PHETA1: variants seen among roughly 807,000 people sequenced by gnomAD.
PHETA1 encodes sesquipedalian-1.
For missense variants in PHETA1, 348 were observed against 373.5 expected (o/e 0.93, Z 0.56); for synonymous variants, 155 against 168.9 (o/e 0.92, Z 0.64).
chr12:111,361,574 A>G lies in PHETA1; in HGVS notation c.*1104T>C, dbSNP rs1266977752. 1 of 265,180 alleles carries G rather than the reference A, an allele frequency of 3.8e-6. No individual in the cohort carries two copies. The highest frequency in any genetic ancestry group is 7.6e-6 in the Non-Finnish European group (1 of 132,224). The allele number at this position is 265,180 out of a possible 1,614,324, so 16.4% of individuals were successfully genotyped here. On this transcript the variant is annotated 3_prime_UTR_variant, in exon 3 of 3. Transcript: ENST00000683047. ...AAAAATGGGCACTGTGGTGAGAAGA[A>G]AGGGGACCGGCGGTCAGCCCCGAAG...
rs972420007 is a variant in PHETA1 at position 111,368,270 on chromosome 12, C to T, written c.-182+642G>A. Among the ~76,000 whole-genome samples, 1 of 152,096 alleles carries T rather than the reference C, an allele frequency of 6.6e-6. No homozygotes were observed. Among genetic ancestry groups the T allele is most frequent in the African/African-American group, 2.4e-5 (1 of 41,404 alleles). Reference sequence around the variant, plus strand: ...AATTCATCCAAGATCTCCAGGGGCACAGCTGGCCCCGGAACCCAGGTCTCC... The same window carrying T: ...AATTCATCCAAGATCTCCAGGGGCATAGCTGGCCCCGGAACCCAGGTCTCC... On this transcript the variant is annotated intron_variant, in intron 1 of 2. Coordinates refer to ENST00000683047, the MANE Select transcript of PHETA1 (RefSeq NM_144671.6). The surrounding 1 kb of genome is among the most constrained non-coding windows in gnomAD (Gnocchi z 5.0).
chr12:111,364,103 G>A (rs932128305), intron 2 of PHETA1, among the ~76,000 whole-genome samples: 3 of 152,198 alleles, frequency 2.0e-5, no homozygotes, highest in Non-Finnish European at 4.4e-5. Context: ...GCCAGGCATT[G>A]TTCCAGGCCT....
At position 111,361,239 on chromosome 12, in the gene PHETA1, C is replaced by T. The variant is rs1038738269; in HGVS notation, c.*1439G>A. On this transcript the variant is annotated 3_prime_UTR_variant, in exon 3 of 3. Transcript: ENST00000683047. ...GCAGTGAAAACATCAAGCTTTGTTG[C>T]CAGAGAAAAAAAAATGAACCCTAAG... is the stretch of plus-strand genomic sequence containing the variant. 3 of 151,958 alleles carry T rather than the reference C, an allele frequency of 2.0e-5. No individual in the cohort carries two copies. Among genetic ancestry groups the T allele is most frequent in the African/African-American group, 4.8e-5 (2 of 41,342 alleles). 9.4% of individuals were successfully genotyped at this position (151,958 alleles called of 1,614,324 possible). A position where few individuals can be genotyped will look rare whatever the true frequency, so the allele number is the denominator to read the frequency against.
chr12:111,361,547 T>C lies in PHETA1; in HGVS notation c.*1131A>G, dbSNP rs1454418209. On this transcript the variant is annotated 3_prime_UTR_variant, in exon 3 of 3. Transcript: ENST00000683047. Reference sequence around the variant, plus strand: ...TCCCAGCCCCGAGGTTCTCCCTGGATGAAAAATGGGCACTGTGGTGAGAAG... The same window carrying C: ...TCCCAGCCCCGAGGTTCTCCCTGGACGAAAAATGGGCACTGTGGTGAGAAG... 4.6e-6 allele frequency: 1 copy of C among 216,646 alleles called. No individual in the cohort carries two copies. The highest frequency in any genetic ancestry group is 2.3e-5 in the African/African-American group (1 of 43,516). The allele number at this position is 216,646 out of a possible 1,614,324, so 13.4% of individuals were successfully genotyped here.
At position 111,369,059 on chromosome 12, in the gene PHETA1, G is replaced by C. The variant is rs879737124; in HGVS notation, c.-329C>G. ...GCCGGGCCGGCGCAGCCGCGGGAGA[G>C]CGCGGATCCGACGGAAGGAGGCGGG... On this transcript the variant is annotated 5_prime_UTR_variant, in exon 1 of 3. Transcript: ENST00000683047. The C allele has an allele frequency of 3.3e-5, 5 of 153,086 alleles. No homozygotes were observed. Among genetic ancestry groups the C allele is most frequent in the Non-Finnish European group, 5.8e-5 (4 of 68,692 alleles). 9.5% of individuals were successfully genotyped at this position (153,086 alleles called of 1,614,324 possible).
In PHETA1 at chr12:111,362,934, G is replaced by A. The variant is rs1234420685; in HGVS notation, c.494C>T (p.Ala165Val). ...ALAPVPSLPS[A>V]PAPVPALPLP... is the part of the protein sequence containing the mutation. The stretch of plus-strand genomic sequence containing the variant: ...GGGCAGGGCTGGGACCGGGGCTGGG[G>A]CAGAAGGCAGGGATGGGACTGGGGC... Residue 165 changes from alanine (A) to valine (V), a missense_variant, in exon 3 of 3, where the codon GCC becomes GTC. Physicochemically the swap from Ala to Val is moderately conservative, Grantham distance 64. Transcript: ENST00000683047. The A allele has an allele frequency of 2.0e-6, 3 of 1,490,366 alleles. No individual in the cohort carries two copies. Among genetic ancestry groups the A allele is most frequent in the African/African-American group, 1.4e-5 (1 of 71,994 alleles). The allele number at this position is 1,490,366 out of a possible 1,614,324, so 92.3% of individuals were successfully genotyped here.
chr12:111,362,462 C>T lies in PHETA1; in HGVS notation c.*216G>A, dbSNP rs1403497461. On this transcript the variant is annotated 3_prime_UTR_variant, in exon 3 of 3. Coordinates refer to ENST00000683047, the MANE Select transcript of PHETA1 (RefSeq NM_144671.6). ...TTAGTGTTGCACGTGACGTTCCCCT[C>T]AAGGGTAGGCCTTCTGGGTCACATG... 3 of 1,263,052 alleles carry T rather than the reference C, an allele frequency of 2.4e-6. No individual in the cohort carries two copies. Among genetic ancestry groups the T allele is most frequent in the Non-Finnish European group, 3.2e-6 (3 of 939,104 alleles). The allele number at this position is 1,263,052 out of a possible 1,614,324, so 78.2% of individuals were successfully genotyped here.
At position 111,362,169 on chromosome 12, in the gene PHETA1, G is replaced by T; in HGVS notation, c.*509C>A. The T allele has an allele frequency of 2.7e-6, 1 of 369,794 alleles. No individual in the cohort carries two copies. Among genetic ancestry groups the T allele is most frequent in the Non-Finnish European group, 5.4e-6 (1 of 186,708 alleles). 22.9% of individuals were successfully genotyped at this position (369,794 alleles called of 1,614,324 possible). Reference sequence around the variant, plus strand: ...TGGAGGCAGGCAGGCACAGAGCCAGGCCAGCTCCTCTGGCAGGTCCCGGAG... The same window carrying T: ...TGGAGGCAGGCAGGCACAGAGCCAGTCCAGCTCCTCTGGCAGGTCCCGGAG... On this transcript the variant is annotated 3_prime_UTR_variant, in exon 3 of 3. Coordinates refer to ENST00000683047, the MANE Select transcript of PHETA1 (RefSeq NM_144671.6).
In PHETA1 at chr12:111,362,266, T is replaced by C. The variant is rs1049465426; in HGVS notation, c.*412A>G. The C allele has an allele frequency of 2.6e-6, 1 of 384,252 alleles. No homozygotes were observed. Among genetic ancestry groups the C allele is most frequent in the African/African-American group, 2.1e-5 (1 of 48,178 alleles). 23.8% of individuals were successfully genotyped at this position (384,252 alleles called of 1,614,324 possible). ...CCACCCTGAAGGCCTGGTCAGGAGC[T>C]GCACTAACTGTGCATTTGCTTTTCA... On this transcript the variant is annotated 3_prime_UTR_variant, in exon 3 of 3. Coordinates refer to ENST00000683047, the MANE Select transcript of PHETA1 (RefSeq NM_144671.6).
rs1298262639 is a variant in PHETA1 at position 111,363,741 on chromosome 12, C to T, written c.-36-278G>A. Reference sequence around the variant, plus strand: ...AGTTCCTGCTGCATGCCAGACATTTCAGAGGAATGAACTCACTTTATCTCA... The same window carrying T: ...AGTTCCTGCTGCATGCCAGACATTTTAGAGGAATGAACTCACTTTATCTCA... On this transcript the variant is annotated intron_variant, in intron 2 of 2. Transcript: ENST00000683047. The surrounding 1 kb of genome is among the most constrained non-coding windows in gnomAD (Gnocchi z 7.4). 6.7e-7 allele frequency: 1 copy of T among 1,486,734 alleles called. No individual in the cohort carries two copies. The highest frequency in any genetic ancestry group is 9.0e-7 in the Non-Finnish European group (1 of 1,115,778). 92.1% of individuals were successfully genotyped at this position (1,486,734 alleles called of 1,614,324 possible).
intron 2 of PHETA1, among the ~76,000 whole-genome samples, chr12:111,364,222 CT>C (rs780435114): frequency 1.6e-4 from 24 of 152,008 alleles, no homozygotes; most frequent in Non-Finnish European, 3.2e-4. Flanking sequence ...TGGCGGGCGC[CT>C]GTAATCCCAG....
Position 111,362,743 on chromosome 12 carries a change from C to G in PHETA1, c.685G>C (p.Glu229Gln). ...GCCCGGATCTCCTGGCCATAGCACT[C>G]GTGCAGCCGGGCGAAGGGGGCCATG... ...LDMAPFARLHECYGQEIRALR... is the reference protein window; with the variant it reads ...LDMAPFARLHQCYGQEIRALR... Residue 229 changes from glutamate (E) to glutamine (Q), a missense_variant, in exon 3 of 3, where the codon GAG (glutamate) becomes CAG (glutamine). Glu to Gln is a conservative substitution (Grantham distance 29). Coordinates refer to ENST00000683047, the MANE Select transcript of PHETA1 (RefSeq NM_144671.6). 1.3e-6 allele frequency: 2 copies of G among 1,543,470 alleles called. No homozygotes were observed. The highest frequency in any genetic ancestry group is 1.7e-6 in the Non-Finnish European group (2 of 1,145,294).
In PHETA1 at chr12:111,363,473, A is replaced by G; in HGVS notation, c.-36-10T>C. ...GAGGGGAGCCTGGGGCCTGGACCCC[A>G]TAGAAGGGCTGTTATGCACAAGGCC... On this transcript the variant is annotated splice_polypyrimidine_tract_variant and intron_variant, in intron 2 of 2. Coordinates refer to ENST00000683047, the MANE Select transcript of PHETA1 (RefSeq NM_144671.6). This position sits in a 1 kb window ranked among gnomAD's most constrained non-coding sequence, Gnocchi z 7.4. 1.3e-6 allele frequency: 2 copies of G among 1,588,474 alleles called. No homozygotes were observed. Among genetic ancestry groups the G allele is most frequent in the Non-Finnish European group, 1.7e-6 (2 of 1,167,330 alleles).
rs111838686 is a variant in PHETA1 at position 111,361,970 on chromosome 12, C to T, written c.*708G>A. The T allele has an allele frequency of 1.3e-5, 6 of 456,108 alleles. No homozygotes were observed. Among genetic ancestry groups the T allele is most frequent in the African/African-American group, 1.0e-4 (5 of 50,190 alleles). 28.3% of individuals were successfully genotyped at this position (456,108 alleles called of 1,614,324 possible). On this transcript the variant is annotated 3_prime_UTR_variant, in exon 3 of 3. Transcript: ENST00000683047. ...ACAGACAGGGCCCGCGGCCAGAGAGCCACTGCCACCAGGAGCACCACCATG... is the reference window on the plus strand; with the variant it reads ...ACAGACAGGGCCCGCGGCCAGAGAGTCACTGCCACCAGGAGCACCACCATG...
At chr12:111,366,910 GA>G (rs1289114444) in intron 1 of PHETA1, among the ~76,000 whole-genome samples, 4 of 143,804 alleles carry the variant, frequency 2.8e-5, no homozygotes, top group South Asian at 2.2e-4. Flanking sequence ...ATAAAAAATA[GA>G]AAAAAAAATA....
Position 111,363,421 on chromosome 12 carries a change from G to A in PHETA1, c.7C>T (p.Leu3=), listed in dbSNP as rs202160590. 4 of 1,608,740 alleles carry A rather than the reference G, an allele frequency of 2.5e-6. No homozygotes were observed. In the African/African-American group the frequency reaches 5.3e-5, roughly 21 times the overall value. Residue 3 remains leucine (L), a synonymous_variant, in exon 3 of 3, where the codon CTG becomes TTG. Coordinates refer to ENST00000683047, the MANE Select transcript of PHETA1 (RefSeq NM_144671.6). This position sits in a 1 kb window ranked among gnomAD's most constrained non-coding sequence, Gnocchi z 7.4. MK[L]NERSLAFYAT... is the part of the protein sequence containing the mutation. ...TAGAAGGCCAGGCTGCGCTCGTTCA[G>A]CTTCATGGTGGCAATCGCGGGGCCT...
chr12:111,361,667 AG>A lies in PHETA1; in HGVS notation c.*1010del. 1 of 347,658 alleles carries A rather than the reference AG, an allele frequency of 2.9e-6. No individual in the cohort carries two copies. The highest frequency in any genetic ancestry group is 5.7e-6 in the Non-Finnish European group (1 of 175,376). The allele number at this position is 347,658 out of a possible 1,614,324, so 21.5% of individuals were successfully genotyped here. On this transcript the variant is annotated 3_prime_UTR_variant, in exon 3 of 3. Transcript: ENST00000683047. Reference sequence around the variant, plus strand: ...CTGAGCTCAGGAGGGGACATGTTAGAGGGGGCTGCCTGGAGCTGAAGAGGGG... The same window carrying A: ...CTGAGCTCAGGAGGGGACATGTTAGAGGGGCTGCCTGGAGCTGAAGAGGGG...
rs1869151760 is a variant in PHETA1, at chr12:111,368,312, G to A, written c.-182+600C>T. The stretch of plus-strand genomic sequence containing the variant: ...CAGGTCTCCTGGGAGACTGAAGCAT[G>A]GCATTTTGGCACTCACATCAACGAA... On this transcript the variant is annotated intron_variant, in intron 1 of 2. Transcript: ENST00000683047. This position sits in a 1 kb window ranked among gnomAD's most constrained non-coding sequence, Gnocchi z 5.0. 6.6e-6 allele frequency among the ~76,000 whole-genome samples: 1 copy of A among 152,172 alleles called. No individual in the cohort carries two copies. The highest frequency in any genetic ancestry group is 2.4e-5 in the African/African-American group (1 of 41,428).
Position 111,363,805 on chromosome 12 carries a change from T to G in PHETA1, c.-36-342A>C, listed in dbSNP as rs1868855966. 3 of 1,245,992 alleles carry G rather than the reference T, an allele frequency of 2.4e-6. No homozygotes were observed. Among genetic ancestry groups the G allele is most frequent in the Non-Finnish European group, 3.2e-6 (3 of 945,812 alleles). The allele number at this position is 1,245,992 out of a possible 1,614,324, so 77.2% of individuals were successfully genotyped here. A position where few individuals can be genotyped will look rare whatever the true frequency, so the allele number is the denominator to read the frequency against. Reference sequence around the variant, plus strand: ...GTCACAGGGACTGGCCTGGCACCAGTGCAACAGATGAGGAAACAGAGGCAC... The same window carrying G: ...GTCACAGGGACTGGCCTGGCACCAGGGCAACAGATGAGGAAACAGAGGCAC... On this transcript the variant is annotated intron_variant, in intron 2 of 2. Coordinates refer to ENST00000683047, the MANE Select transcript of PHETA1 (RefSeq NM_144671.6). This position sits in a 1 kb window ranked among gnomAD's most constrained non-coding sequence, Gnocchi z 7.4.
Sources: allele counts gnomAD v4.1 joint callset (sites outside exome capture counted in the v4.1 genomes callset), GRCh38; gene constraint gnomAD v4.1.1; non-coding constraint Gnocchi (gnomAD v3.1); transcripts MANE v1.5; gene names NCBI Gene and HGNC (gene_info 2026-07-23, HGNC 2026-07-21).